The following SDK1 variants were observed in gnomAD, a reference collection of about 807,000 sequenced individuals.
SDK1 encodes sidekick cell adhesion molecule 1.
SDK1 carries 157 observed loss-of-function variants against 245.5 expected under a neutral mutation model. The observed-to-expected ratio is 0.64, with a 90% CI of 0.56 to 0.73. The LOEUF (loss-of-function observed/expected upper bound fraction) is 0.73, where lower values mean the gene tolerates loss of function less well. Ranked by LOEUF, SDK1 falls within the 30% of genes least tolerant of loss-of-function variation. The pLI is 0.00. For missense variants in SDK1, 3,583 were observed against 3,002.3 expected (o/e 1.19, Z -4.52); for synonymous variants, 1,647 against 1,278.5 (o/e 1.29, Z -6.15).
chr7:3,408,160 C>G (rs1385422784), intron 1 of SDK1, among the ~76,000 whole-genome samples: 1 of 152,070 alleles, frequency 6.6e-6, no homozygotes, highest in Non-Finnish European at 1.5e-5. Flanking sequence ...GCCTCAGTCT[C>G]CTGAGTAGCT....
intron 44 of SDK1, among the ~76,000 whole-genome samples, chr7:4,256,989 A>C (rs1469912104): frequency 6.6e-6 from 1 of 152,214 alleles, no homozygotes; most frequent in African/African-American, 2.4e-5. Context: ...TAAGTGTCAC[A>C]CGACGCATGC....
chr7:3,605,025 C>G (rs1290949919), intron 1 of SDK1, among the ~76,000 whole-genome samples: 1 of 151,780 alleles, frequency 6.6e-6, no homozygotes, highest in East Asian at 1.9e-4. Context: ...AATACTATGG[C>G]CAGAGGATAC....
In SDK1 at chr7:4,079,541, A is replaced by T. The variant is rs368849339; in HGVS notation, c.3281A>T (p.Tyr1094Phe). 7 of 1,614,114 alleles carry T rather than the reference A, an allele frequency of 4.3e-6. No homozygotes were observed. Among genetic ancestry groups the T allele is most frequent in the Admixed American group, 3.3e-5 (2 of 60,014 alleles). Residue 1094 changes from tyrosine (Y) to phenylalanine (F), a missense_variant, in exon 22 of 45, where the codon TAT becomes TTT. Tyr to Phe is a conservative substitution (Grantham distance 22, BLOSUM62 3). Transcript: ENST00000404826. The stretch of plus-strand genomic sequence containing the variant: ...GCCACCCTTCAGTTCCGGCCAGGCT[A>T]TGACGGGAAAACGTCCATCTCCAGG... ...RSATLQFRPG[Y>F]DGKTSISRWI... is the part of the protein sequence containing the mutation.
intron 5 of SDK1, among the ~76,000 whole-genome samples, chr7:3,877,455 T>G (rs1781103114): frequency 6.6e-6 from 1 of 152,192 alleles, no homozygotes; most frequent in Non-Finnish European, 1.5e-5. Context: ...CACAGTTCAG[T>G]GTGCCCAGCT....
rs1429740507 is a variant in SDK1, at chr7:4,266,324, CTTT to C, written c.*943_*945del. 22 of 985,284 alleles carry C rather than the reference CTTT, an allele frequency of 2.2e-5. No individual in the cohort carries two copies. The highest frequency in any genetic ancestry group is 2.7e-5 in the Non-Finnish European group (22 of 829,924). 61.0% of individuals were successfully genotyped at this position (985,284 alleles called of 1,614,324 possible). Reference sequence around the variant, plus strand: ...ATGCGTCTTTGCTGTCTCCAGGTGCCTTTTTATTAATTGTTCAGCTTTGTACAT... The same window carrying C: ...ATGCGTCTTTGCTGTCTCCAGGTGCCTTATTAATTGTTCAGCTTTGTACAT... On this transcript the variant is annotated 3_prime_UTR_variant, in exon 45 of 45. Coordinates refer to ENST00000404826, the MANE Select transcript of SDK1 (RefSeq NM_152744.4).
At chr7:3,312,525 G>C (rs1159605765) in intron 1 of SDK1, among the ~76,000 whole-genome samples, 12 of 151,840 alleles carry the variant, frequency 7.9e-5, no homozygotes, top group Admixed American at 5.9e-4. Flanking sequence ...AGTTGGAAAA[G>C]AACCCAGTAG....
chr7:3,987,615 G>A (rs935236533), intron 14 of SDK1, among the ~76,000 whole-genome samples: 10 of 152,120 alleles, frequency 6.6e-5, no homozygotes, highest in Admixed American at 2.6e-4. Context: ...CTCCCAGGGC[G>A]AGCTGGAAAT....
chr7:4,188,044 C>G lies in SDK1; in HGVS notation c.5098+9458C>G, dbSNP rs556340294. 3.3e-5 allele frequency among the ~76,000 whole-genome samples: 5 copies of G among 152,286 alleles called. No individual in the cohort carries two copies. The South Asian group carries it at 1.0e-3, about 32-fold the overall frequency. On this transcript the variant is annotated intron_variant, in intron 35 of 44. Coordinates refer to ENST00000404826, the MANE Select transcript of SDK1 (RefSeq NM_152744.4). ...ATCATCAGCTCTTGTGAGACGTATT[C>G]ACTACCATGAGAACAGCATGGGGAA...
rs189782848 is a variant in SDK1 at position 3,971,993 on chromosome 7, C to T, written c.1817+425C>T. On this transcript the variant is annotated intron_variant, in intron 12 of 44. Transcript: ENST00000404826. ...ATCGTGAAATGGAGGGGGAGGGAGT[C>T]CTGTGCATGGGACAAAGTCACCCAC... Among the ~76,000 whole-genome samples the T allele has an allele frequency of 1.6e-3, 246 of 151,862 alleles. 1 individual carries two copies. Among genetic ancestry groups the T allele is most frequent in the African/African-American group, 5.5e-3 (227 of 41,388 alleles).
At chr7:3,951,590 G>C (rs1469402442) in intron 6 of SDK1, 140 bp from the exon 7 acceptor site, 1 of 669,410 alleles carries the variant, frequency 1.5e-6, no homozygotes, top group Non-Finnish European at 2.6e-6. Flanking sequence ...TCTAGATTGA[G>C]TTTTCAGTGT....
rs910391087 is a variant in SDK1 at position 3,828,367 on chromosome 7, A to G, written c.847+6784A>G. Among the ~76,000 whole-genome samples, 10 of 152,152 alleles carry G rather than the reference A, an allele frequency of 6.6e-5. 1 individual carries two copies. The highest frequency in any genetic ancestry group is 3.9e-4 in the East Asian group (2 of 5,186). On this transcript the variant is annotated intron_variant, in intron 5 of 44. Coordinates refer to ENST00000404826, the MANE Select transcript of SDK1 (RefSeq NM_152744.4). The stretch of plus-strand genomic sequence containing the variant: ...AATTTAAAAAATTGAGAGATATTCT[A>G]TAACAAAATTTCTTCCATTTTCATC...
chr7:4,160,305 A>G (rs961908024), intron 31 of SDK1, among the ~76,000 whole-genome samples: 2 of 152,246 alleles, frequency 1.3e-5, no homozygotes, highest in South Asian at 2.1e-4. Context: ...TCTCTCTGAC[A>G]GATTGTGTGA....
At chr7:3,413,967 A>G (rs912341567) in intron 1 of SDK1, among the ~76,000 whole-genome samples, 5 of 152,196 alleles carry the variant, frequency 3.3e-5, no homozygotes, top group African/African-American at 9.6e-5. Context: ...ATGAGACCCT[A>G]TCTCTAAAAA....
rs755576783 is a variant in SDK1 at position 3,650,153 on chromosome 7, C to T, written c.713+8048C>T. Among the ~76,000 whole-genome samples, 80 of 152,268 alleles carry T rather than the reference C, an allele frequency of 5.3e-4. 1 individual carries two copies. The highest frequency in any genetic ancestry group is 2.0e-3 in the Admixed American group (30 of 15,292). ...CAGTTTCAAGCTCCTGGGCTCAAGC[C>T]GTCCTCCTGCTTTGGCCTCCCAGAG... On this transcript the variant is annotated intron_variant, in intron 4 of 44. Coordinates refer to ENST00000404826, the MANE Select transcript of SDK1 (RefSeq NM_152744.4).
chr7:4,150,467 A>G (rs1274903497), intron 30 of SDK1, among the ~76,000 whole-genome samples: 1 of 152,198 alleles, frequency 6.6e-6, no homozygotes, highest in Non-Finnish European at 1.5e-5. Context: ...CACATAGGTC[A>G]GCTCTGCGTC....
intron 11 of SDK1, 60 bp downstream of exon 11, chr7:3,969,484 C>CT: frequency 7.3e-7 from 1 of 1,360,728 alleles, no homozygotes; most frequent in Non-Finnish European, 9.8e-7. Flanking sequence ...ATCACGTCAT[C>CT]GTGTGCTTTG....
chr7:4,209,927 C>T (rs984423744), intron 37 of SDK1, 98 bp from the exon 38 acceptor site: 8 of 1,097,690 alleles, frequency 7.3e-6, no homozygotes, highest in East Asian at 2.8e-5. Context: ...AAAATAACAT[C>T]GAATAACATT....
chr7:3,835,622 C>T (rs1780013638), intron 5 of SDK1, among the ~76,000 whole-genome samples: 1 of 152,170 alleles, frequency 6.6e-6, no homozygotes, highest in African/African-American at 2.4e-5. Flanking sequence ...GTCCCTGCTT[C>T]TGGAAGAATA....
At chr7:4,186,471 A>C (rs1306616416) in intron 35 of SDK1, among the ~76,000 whole-genome samples, 1 of 152,286 alleles carries the variant, frequency 6.6e-6, no homozygotes, top group South Asian at 2.1e-4. Context: ...CTGTGTCCCC[A>C]CATAGGCCGC....
Sources: gnomAD v4.1 joint callset for allele counts (sites outside exome capture counted in the v4.1 genomes callset) on GRCh38, gnomAD v4.1.1 for gene constraint, MANE v1.5 for transcripts, NCBI Gene and HGNC (gene_info 2026-07-23, HGNC 2026-07-21) for gene names.